Variants in PCDH11X observed in about 807,000 individuals in gnomAD.
The protein encoded by PCDH11X is protocadherin-11 X-linked.
PCDH11X carries 18 observed loss-of-function variants against 53.3 expected under a neutral mutation model. That is an observed-to-expected ratio of 0.34 (90% confidence interval 0.23 to 0.50). PCDH11X has a LOEUF of 0.50. PCDH11X is among the 20% of genes least tolerant of loss of function. PCDH11X has a pLI of 0.98. For missense variants in PCDH11X, 570 were observed against 1,032.4 expected (o/e 0.55, Z 6.14); for synonymous variants, 279 against 393.3 (o/e 0.71, Z 3.44).
At chrX:92,464,580 G>A (rs1176774610) in intron 9 of PCDH11X, among the ~76,000 whole-genome samples, 1 of 110,567 alleles carries the variant, frequency 9.0e-6, no homozygotes, top group African/African-American at 3.3e-5. Context: ...CCAGTCTTGG[G>A]CAGTTCTTTA....
chrX:91,894,976 C>T (rs1207476291), intron 6 of PCDH11X, among the ~76,000 whole-genome samples: 5 of 110,522 alleles, frequency 4.5e-5, no homozygotes, highest in Middle Eastern at 4.7e-3. Context: ...CCTTTGTGAC[C>T]CTATGTTCAC....
intron 4 of PCDH11X, among the ~76,000 whole-genome samples, chrX:91,812,395 A>G (rs1447404673): frequency 9.0e-6 from 1 of 110,791 alleles, no homozygotes; most frequent in Non-Finnish European, 1.9e-5. Flanking sequence ...CTCTCCAAGT[A>G]CATAAATCCA....
intron 1 of PCDH11X, among the ~76,000 whole-genome samples, chrX:91,794,983 A>T (rs993432661): frequency 3.7e-5 from 4 of 108,245 alleles, no homozygotes; most frequent in Admixed American, 1.0e-4. Context: ...TGCCATCTAT[A>T]TAAGATGTGA....
intron 6 of PCDH11X, 71 bp from the exon 7 acceptor site, chrX:92,201,304 A>G: frequency 8.8e-7 from 1 of 1,139,275 alleles, no homozygotes; most frequent in South Asian, 2.1e-5. Flanking sequence ...GGCAATGTTT[A>G]TATGAAATGT....
rs890118717 is a variant in PCDH11X, at chrX:91,878,211, C to T, written c.1971C>T (p.Ala657=). The change falls in exon 6 of 11, where the codon GCC becomes GCT. Residue 657 remains alanine, a synonymous_variant. Coordinates refer to ENST00000682573, the MANE Select transcript of PCDH11X (RefSeq NM_032968.5). ...DGGRVSRSSS[A]KVTINVVDVN... is the part of the protein sequence containing the mutation. Reference sequence around the variant, plus strand: ...GTAGAGTATCACGTTCTTCAAGTGCCAAAGTAACCATAAATGTGGTTGATG... The same window carrying T: ...GTAGAGTATCACGTTCTTCAAGTGCTAAAGTAACCATAAATGTGGTTGATG... 5 of 1,209,459 alleles carry T rather than the reference C, an allele frequency of 4.1e-6. No individual in the cohort carries two copies. Among genetic ancestry groups the T allele is most frequent in the Non-Finnish European group, 5.6e-6 (5 of 894,472 alleles).
intron 8 of PCDH11X, among the ~76,000 whole-genome samples, chrX:92,322,039 A>C (rs1418508223): frequency 1.8e-5 from 2 of 108,923 alleles, no homozygotes; most frequent in African/African-American, 6.7e-5. Context: ...ACAGCCTTTT[A>C]AATTATAATT....
chrX:92,395,921 C>T (rs1424643939), intron 9 of PCDH11X, among the ~76,000 whole-genome samples: 3 of 103,995 alleles, frequency 2.9e-5, no homozygotes, highest in African/African-American at 7.1e-5. Flanking sequence ...AAATGGAGAA[C>T]TTTTTTATAT....
At chrX:92,039,322 G>T (rs1052947948) in intron 6 of PCDH11X, among the ~76,000 whole-genome samples, 3 of 112,405 alleles carry the variant, frequency 2.7e-5, no homozygotes, top group African/African-American at 9.7e-5. Flanking sequence ...TCCAGGCCCT[G>T]TGCCGGTCCA....
intron 6 of PCDH11X, among the ~76,000 whole-genome samples, chrX:91,907,731 G>C (rs987471824): frequency 1.8e-5 from 2 of 108,180 alleles, no homozygotes; most frequent in Non-Finnish European, 3.8e-5. Context: ...TCATCACCCA[G>C]GTATTAAGCC....
chrX:92,536,634 C>T lies in PCDH11X; in HGVS notation c.3367+68312C>T, dbSNP rs1231096009. On this transcript the variant is annotated intron_variant, in intron 10 of 10. Coordinates refer to ENST00000682573, the MANE Select transcript of PCDH11X (RefSeq NM_032968.5). ...CAACCTCTCTAGCATTTGTTATTGC[C>T]TGTCTCTTGGATAAAAGCCTTTTTT... 6.8e-5 allele frequency among the ~76,000 whole-genome samples: 7 copies of T among 102,942 alleles called. No individual in the cohort carries two copies. In the East Asian group the frequency reaches 2.2e-3, roughly 32 times the overall value. 89.4% of individuals were successfully genotyped at this position (102,942 alleles called of 115,157 possible).
At chrX:91,973,754 A>T (rs2062007286) in intron 6 of PCDH11X, among the ~76,000 whole-genome samples, 1 of 105,062 alleles carries the variant, frequency 9.5e-6, no homozygotes. Flanking sequence ...AGCTGGGATT[A>T]TAGGTGCCCG....
intron 4 of PCDH11X, among the ~76,000 whole-genome samples, chrX:91,820,399 G>C (rs1383553393): frequency 2.3e-5 from 2 of 85,423 alleles, no homozygotes; most frequent in African/African-American, 1.2e-4. Context: ...TTGTGGTTTT[G>C]ATTTGCATTT....
At chrX:92,151,722 A>G (rs1276641619) in intron 6 of PCDH11X, among the ~76,000 whole-genome samples, 2 of 111,457 alleles carry the variant, frequency 1.8e-5, no homozygotes, top group Non-Finnish European at 3.8e-5. Context: ...TTATTTCATC[A>G]TGTTTGTAGA....
At chrX:92,232,985 G>A (rs894970880) in intron 7 of PCDH11X, among the ~76,000 whole-genome samples, 1 of 111,848 alleles carries the variant, frequency 8.9e-6, no homozygotes, top group Non-Finnish European at 1.9e-5. Context: ...AAAGTGCTGG[G>A]ATTACAGGCG....
intron 1 of PCDH11X, among the ~76,000 whole-genome samples, chrX:91,790,708 A>T (rs1044434757): frequency 9.0e-6 from 1 of 111,066 alleles, no homozygotes; most frequent in African/African-American, 3.3e-5. Flanking sequence ...AATACAGCCG[A>T]ATAGTCACTT....
chrX:92,314,550 A>G (rs2069031056), intron 8 of PCDH11X, among the ~76,000 whole-genome samples: 1 of 111,877 alleles, frequency 8.9e-6, no homozygotes, highest in African/African-American at 3.2e-5. Context: ...TGTACTGTAC[A>G]TAATTGTATA....
chrX:92,323,920 C>A (rs1348179884), intron 8 of PCDH11X, among the ~76,000 whole-genome samples: 1 of 109,264 alleles, frequency 9.2e-6, no homozygotes, highest in Non-Finnish European at 1.9e-5. Flanking sequence ...TATTACCAAT[C>A]CAGGAAAATT....
intron 8 of PCDH11X, among the ~76,000 whole-genome samples, chrX:92,277,151 G>A (rs984956763): frequency 9.1e-6 from 1 of 109,968 alleles, no homozygotes; most frequent in Admixed American, 9.8e-5. Flanking sequence ...ACTCAGTGAC[G>A]CTTGGGGTTG....
chrX:92,245,537 G>A (rs1427382308), intron 7 of PCDH11X, among the ~76,000 whole-genome samples: 2 of 112,431 alleles, frequency 1.8e-5, no homozygotes, highest in African/African-American at 3.2e-5. Context: ...TCTCTGTGAG[G>A]ACAAAGATGA....
Sources: gnomAD v4.1 joint callset for allele counts (sites outside exome capture counted in the v4.1 genomes callset) on GRCh38, gnomAD v4.1.1 for gene constraint, MANE v1.5 for transcripts, NCBI Gene and HGNC (gene_info 2026-07-23, HGNC 2026-07-21) for gene names.